OSBPL9: variants seen among roughly 807,000 people sequenced by gnomAD.
OSBPL9 encodes the protein oxysterol-binding protein-related protein 9.
A neutral mutation model predicts 106.6 loss-of-function variants in OSBPL9; 40 were observed. The ratio of observed to expected loss-of-function variants is 0.38; its 90% CI spans 0.29 to 0.49. OSBPL9 has a LOEUF of 0.49. Ranked by LOEUF, OSBPL9 falls within the 20% of genes least tolerant of loss-of-function variation. The pLI is 0.97. For synonymous variants in OSBPL9, 269 were observed against 295.4 expected (o/e 0.91, Z 0.92); for missense variants, 609 against 887.2 (o/e 0.69, Z 3.98).
intron 6 of OSBPL9, 74 bp downstream of exon 6, chr1:51,746,831 T>A (rs1278744905): frequency 1.6e-6 from 2 of 1,233,298 alleles, no homozygotes; most frequent in Non-Finnish European, 2.3e-6. Context: ...AGTATCTTAG[T>A]GTGTTTTTAC....
the OSBPL9 span, among the ~76,000 whole-genome samples, chr1:51,551,031 A>T: frequency 6.6e-6 from 1 of 152,026 alleles, no homozygotes; most frequent in Non-Finnish European, 1.5e-5. Flanking sequence ...AGAAATGATC[A>T]CTCCCTTTCT....
At chr1:51,608,908 AAT>A (rs1280504480) in intron 2 of OSBPL9, among the ~76,000 whole-genome samples, 4 of 152,072 alleles carry the variant, frequency 2.6e-5, no homozygotes, top group African/African-American at 9.7e-5. Context: ...CAGTGCTACC[AAT>A]AGTTTGTATG....
intron 2 of OSBPL9, among the ~76,000 whole-genome samples, chr1:51,667,929 T>G (rs1170204703): frequency 6.6e-6 from 1 of 152,192 alleles, no homozygotes; most frequent in Non-Finnish European, 1.5e-5. Context: ...CATCTGACAC[T>G]GAGGAATAAG....
At chr1:51,546,176 C>T in the OSBPL9 span, among the ~76,000 whole-genome samples, 12 of 152,074 alleles carry the variant, frequency 7.9e-5, no homozygotes, top group South Asian at 2.1e-4. Flanking sequence ...CCACCATGCT[C>T]GGCTAATTTG....
chr1:51,761,896 C>T lies in OSBPL9; in HGVS notation c.703C>T (p.Arg235Cys), dbSNP rs1347898548. The change falls in exon 11 of 24, where the codon CGT (arginine) becomes TGT (cysteine). Residue 235 changes from arginine (R) to cysteine (C), a missense_variant. By Grantham distance (180) the Arg-to-Cys change is radical (BLOSUM62 -3). Transcript: ENST00000428468. ...TGTTCAGTTGTGTAAGTCAGAGCAG[C>T]GTCCATCTTCCCTACCAGTTGGACC... ...EPVQLCKSEQRPSSLPVGPVL... is the reference protein window; with the variant it reads ...EPVQLCKSEQCPSSLPVGPVL... 4.3e-6 allele frequency: 7 copies of T among 1,613,554 alleles called. No homozygotes were observed. Among genetic ancestry groups the T allele is most frequent in the East Asian group, 2.2e-5 (1 of 44,850 alleles).
the OSBPL9 span, among the ~76,000 whole-genome samples, chr1:51,540,618 C>T: frequency 5.3e-5 from 8 of 150,486 alleles, no homozygotes; most frequent in Admixed American, 2.0e-4. Flanking sequence ...AGCACCACTG[C>T]ACTCCAGCCT....
At chr1:51,580,370 T>C (rs1490874754) in intron 1 of OSBPL9, among the ~76,000 whole-genome samples, 1 of 152,220 alleles carries the variant, frequency 6.6e-6, no homozygotes, top group Admixed American at 6.5e-5. Context: ...TAAATGTTTG[T>C]GGAATAACAG....
chr1:51,613,673 C>A (rs1013160495), upstream of OSBPL9, among the ~76,000 whole-genome samples: 1 of 151,890 alleles, frequency 6.6e-6, no homozygotes, highest in Non-Finnish European at 1.5e-5. Context: ...ATGCATGTTT[C>A]ATGTCCTGGT....
intron 9 of OSBPL9, chr1:51,756,978 A>C (rs1239245034): frequency 6.6e-6 from 1 of 152,208 alleles, no homozygotes. Context: ...TCCCAGATGG[A>C]AATAAAAGAG....
intron 3 of OSBPL9, among the ~76,000 whole-genome samples, chr1:51,686,787 T>C (rs1413027161): frequency 2.0e-5 from 3 of 152,234 alleles, no homozygotes; most frequent in Non-Finnish European, 4.4e-5. Flanking sequence ...CATTAACCTG[T>C]ACCCAATTTA....
At chr1:51,668,826 C>G (rs1411964631) in intron 2 of OSBPL9, among the ~76,000 whole-genome samples, 2 of 151,928 alleles carry the variant, frequency 1.3e-5, no homozygotes, top group Admixed American at 1.3e-4. Context: ...TAAAATAGTC[C>G]TTGATTTCTA....
the OSBPL9 span, among the ~76,000 whole-genome samples, chr1:51,568,857 TG>T: frequency 6.6e-6 from 1 of 152,104 alleles, no homozygotes; most frequent in Non-Finnish European, 1.5e-5. Context: ...GTATTACAGG[TG>T]CTAGCCACCA....
intron 3 of OSBPL9, among the ~76,000 whole-genome samples, chr1:51,683,785 T>C (rs1653143715): frequency 1.3e-5 from 2 of 149,190 alleles, no homozygotes; most frequent in Admixed American, 1.3e-4. Flanking sequence ...AGAGCAAGAC[T>C]CTGTCTCAAA....
At chr1:51,682,249 T>C (rs1024859353) in intron 3 of OSBPL9, among the ~76,000 whole-genome samples, 2 of 152,086 alleles carry the variant, frequency 1.3e-5, no homozygotes, top group Non-Finnish European at 2.9e-5. Flanking sequence ...TTATTTTTAA[T>C]TGTTTCTTTT....
At chr1:51,524,758 G>A in the OSBPL9 span, among the ~76,000 whole-genome samples, 1 of 152,194 alleles carries the variant, frequency 6.6e-6, no homozygotes, top group Non-Finnish European at 1.5e-5. Flanking sequence ...TAGTGAGAAA[G>A]CAAACACTGT....
chr1:51,683,359 T>G (rs1653026849), intron 3 of OSBPL9, among the ~76,000 whole-genome samples: 1 of 151,920 alleles, frequency 6.6e-6, no homozygotes, highest in South Asian at 2.1e-4. Flanking sequence ...TTTGTATTTT[T>G]GGTAGAGACA....
chr1:51,723,162 C>G (rs1343359724), intron 4 of OSBPL9, among the ~76,000 whole-genome samples: 1 of 152,198 alleles, frequency 6.6e-6, no homozygotes, highest in Admixed American at 6.5e-5. Context: ...CATTATCACT[C>G]AAGGTCCGTA....
At chr1:51,720,219 A>G (rs1341135126) in intron 4 of OSBPL9, among the ~76,000 whole-genome samples, 3 of 152,244 alleles carry the variant, frequency 2.0e-5, no homozygotes, top group Non-Finnish European at 2.9e-5. Context: ...GCTATCAGGA[A>G]TGAAAACACA....
intron 4 of OSBPL9, among the ~76,000 whole-genome samples, chr1:51,716,141 A>G (rs1203687807): frequency 6.6e-6 from 1 of 152,230 alleles, no homozygotes; most frequent in East Asian, 1.9e-4. Flanking sequence ...TTAGACTTCT[A>G]ATAGCTTTGA....
Sources: allele counts gnomAD v4.1 joint callset (sites outside exome capture counted in the v4.1 genomes callset), GRCh38; gene constraint gnomAD v4.1.1; transcripts MANE v1.5; gene names NCBI Gene and HGNC (gene_info 2026-07-23, HGNC 2026-07-21).